ADAM18: variants seen among roughly 807,000 people sequenced by gnomAD.
The protein encoded by ADAM18 is disintegrin and metalloproteinase domain-containing protein 18.
ADAM18 carries 117 observed loss-of-function variants against 94.4 expected under a neutral mutation model. The ratio of observed to expected loss-of-function variants is 1.24; its 90% CI spans 1.07 to 1.45. The LOEUF (loss-of-function observed/expected upper bound fraction) is 1.45, where lower values mean the gene tolerates loss of function less well. Ranked by LOEUF, ADAM18 falls within the 40% of genes most tolerant of loss-of-function variation. The pLI is 0.00. For missense variants in ADAM18, 936 were observed against 880.0 expected (o/e 1.06, Z -0.81); for synonymous variants, 327 against 291.6 (o/e 1.12, Z -1.24).
intron 6 of ADAM18, among the ~76,000 whole-genome samples, chr8:39,623,353 A>C (rs553582686): frequency 8.6e-5 from 13 of 151,840 alleles, no homozygotes; most frequent in Non-Finnish European, 1.8e-4. Flanking sequence ...TTTTTGGGGG[A>C]TAATCAACAG....
intron 17 of ADAM18, among the ~76,000 whole-genome samples, chr8:39,693,031 A>G (rs947960756): frequency 6.6e-6 from 1 of 151,636 alleles, no homozygotes; most frequent in Non-Finnish European, 1.5e-5. Flanking sequence ...ACTTAAAAAC[A>G]CGTTGACATA....
chr8:39,708,974 T>C (rs1563315820), intron 18 of ADAM18, among the ~76,000 whole-genome samples: 2 of 152,228 alleles, frequency 1.3e-5, no homozygotes, highest in South Asian at 2.1e-4. Context: ...AGCTCTGCCA[T>C]CTGCTAACAA....
intron 12 of ADAM18, among the ~76,000 whole-genome samples, chr8:39,653,892 CTTA>C (rs1820610687): frequency 6.6e-6 from 1 of 152,074 alleles, no homozygotes; most frequent in African/African-American, 2.4e-5. Context: ...CTATAATTTA[CTTA>C]TTGTGCTATT....
intron 18 of ADAM18, 124 bp downstream of exon 18, chr8:39,707,028 G>T (rs1355779262): frequency 1.7e-6 from 1 of 583,086 alleles, no homozygotes; most frequent in Middle Eastern, 4.7e-4. Context: ...CTTATTTGTG[G>T]GGGATACATT....
In ADAM18 at chr8:39,620,357, CA is replaced by C. The variant is rs61555393; in HGVS notation, c.523-9000del. ...ACCTCAAAAGCACATGCAACAAAAG[CA>C]AAAAAAAAAAAAAAAACAAAAAAAA... On this transcript the variant is annotated intron_variant, in intron 6 of 19. Transcript: ENST00000265707. Among the ~76,000 whole-genome samples, 654 of 90,488 alleles carry C rather than the reference CA, an allele frequency of 7.2e-3. 6 individuals carry two copies. The highest frequency in any genetic ancestry group is 0.04 in the East Asian group (84 of 2,108). 59.4% of individuals were successfully genotyped at this position (90,488 alleles called of 152,430 possible). A position where few individuals can be genotyped will look rare whatever the true frequency, so the allele number is the denominator to read the frequency against.
At chr8:39,658,039 A>G (rs556156818) in intron 12 of ADAM18, among the ~76,000 whole-genome samples, 2 of 152,294 alleles carry the variant, frequency 1.3e-5, no homozygotes, top group East Asian at 3.9e-4. Flanking sequence ...ATCAAAACAC[A>G]TAGGGAATTG....
intron 14 of ADAM18, among the ~76,000 whole-genome samples, chr8:39,676,398 TCA>T (rs1821302454): frequency 6.6e-6 from 1 of 152,214 alleles, no homozygotes; most frequent in Non-Finnish European, 1.5e-5. Context: ...CAGATTGATC[TCA>T]GACTGCTGCG....
intron 6 of ADAM18, among the ~76,000 whole-genome samples, chr8:39,618,696 A>G (rs1484059086): frequency 1.3e-5 from 2 of 152,298 alleles, no homozygotes; most frequent in African/African-American, 2.4e-5. Context: ...GAGGGCATTT[A>G]TAGCCCTTTC....
intron 2 of ADAM18, among the ~76,000 whole-genome samples, chr8:39,593,514 A>G (rs149120432): frequency 6.4e-4 from 98 of 152,260 alleles, no homozygotes; most frequent in African/African-American, 1.4e-3. Context: ...AATATTCAAA[A>G]CAGTATGGTT....
chr8:39,601,982 T>G (rs1818919316), intron 2 of ADAM18, among the ~76,000 whole-genome samples: 2 of 152,218 alleles, frequency 1.3e-5, no homozygotes, highest in Admixed American at 1.3e-4. Context: ...TCAACCTTGT[T>G]TTAGCATGTA....
chr8:39,609,638 C>T, intron 5 of ADAM18, 77 bp downstream of exon 5: 1 of 973,844 alleles, frequency 1.0e-6, no homozygotes, highest in Non-Finnish European at 1.6e-6. Flanking sequence ...GACTAGCAGA[C>T]ACAAATCATG....
intron 16 of ADAM18, chr8:39,685,200 C>T (rs1227758687): frequency 6.6e-6 from 1 of 152,240 alleles, no homozygotes; most frequent in Non-Finnish European, 1.5e-5. Flanking sequence ...CTTTGAAGTC[C>T]AGGTGAAGGC....
chr8:39,662,874 C>T (rs911982910), intron 12 of ADAM18, among the ~76,000 whole-genome samples: 6 of 152,220 alleles, frequency 3.9e-5, no homozygotes, highest in Non-Finnish European at 7.3e-5. Flanking sequence ...ATCTGCCCAC[C>T]TTGGCCTCCC....
intron 11 of ADAM18, 104 bp downstream of exon 11, chr8:39,645,578 G>T: frequency 9.2e-7 from 1 of 1,087,056 alleles, no homozygotes; most frequent in Non-Finnish European, 1.3e-6. Flanking sequence ...TCAATGGCTA[G>T]AAAGTTACAT....
intron 6 of ADAM18, among the ~76,000 whole-genome samples, chr8:39,614,751 A>G (rs1291138935): frequency 6.6e-6 from 1 of 152,234 alleles, no homozygotes; most frequent in East Asian, 1.9e-4. Flanking sequence ...GATTCAAAGC[A>G]AGAGATGGAG....
intron 7 of ADAM18, among the ~76,000 whole-genome samples, chr8:39,632,138 T>G (rs1479612819): frequency 6.6e-6 from 1 of 151,944 alleles, no homozygotes; most frequent in Non-Finnish European, 1.5e-5. Context: ...AATTTTTAAT[T>G]TTTTTCTTTA....
chr8:39,703,995 T>C (rs1822157966), intron 17 of ADAM18, among the ~76,000 whole-genome samples: 1 of 151,878 alleles, frequency 6.6e-6, no homozygotes, highest in Admixed American at 6.6e-5. Context: ...ACATACACTC[T>C]CCCAAGAATG....
At chr8:39,666,257 C>G (rs1163253975) in intron 13 of ADAM18, among the ~76,000 whole-genome samples, 1 of 152,106 alleles carries the variant, frequency 6.6e-6, no homozygotes, top group Non-Finnish European at 1.5e-5. Context: ...CCAGGCTGTC[C>G]TTGAACTTCT....
At chr8:39,707,473 C>T (rs571528674) in intron 18 of ADAM18, among the ~76,000 whole-genome samples, 8 of 152,264 alleles carry the variant, frequency 5.3e-5, no homozygotes, top group South Asian at 4.2e-4. Context: ...ACAAATTTAA[C>T]GTCTTTTCTG....
Sources: gnomAD v4.1 joint callset for allele counts (sites outside exome capture counted in the v4.1 genomes callset) on GRCh38, gnomAD v4.1.1 for gene constraint, MANE v1.5 for transcripts, NCBI Gene and HGNC (gene_info 2026-07-23, HGNC 2026-07-21) for gene names.